DYNC2I2: variants seen among roughly 807,000 people sequenced by gnomAD.
The protein encoded by DYNC2I2 is cytoplasmic dynein 2 intermediate chain 2.
DYNC2I2 carries 39 observed loss-of-function variants against 52.0 expected under a neutral mutation model. The ratio of observed to expected loss-of-function variants is 0.75; its 90% CI spans 0.58 to 0.98. The LOEUF (loss-of-function observed/expected upper bound fraction) is 0.98. DYNC2I2 is among the 50% of genes least tolerant of loss of function. The probability of loss-of-function intolerance (pLI) is 0.00; values close to 1 mark genes in which losing one functional copy is unlikely to be tolerated. For missense variants in DYNC2I2, 743 were observed against 728.4 expected (o/e 1.02, Z -0.23); for synonymous variants, 359 against 321.1 (o/e 1.12, Z -1.26).
At chr9:128,662,465 G>T in the DYNC2I2 span, among the ~76,000 whole-genome samples, 2 of 151,558 alleles carry the variant, frequency 1.3e-5, no homozygotes, top group Non-Finnish European at 2.9e-5. Context: ...AGGCTGGAGT[G>T]CAATGGCGCG....
In DYNC2I2 at chr9:128,633,998, G is replaced by A; in HGVS notation, c.1373-16C>T. ...TGCACGTCACCTGCAAAGAGAGACA[G>A]ATACGTGGAGTAAGAGAAACTCTAG... On this transcript the variant is annotated splice_polypyrimidine_tract_variant and intron_variant, in intron 8 of 8. Transcript: ENST00000372715. 6 of 1,612,482 alleles carry A rather than the reference G, an allele frequency of 3.7e-6. No homozygotes were observed. Among genetic ancestry groups the A allele is most frequent in the Non-Finnish European group, 5.1e-6 (6 of 1,179,644 alleles).
chr9:128,668,882 C>T, the DYNC2I2 span, among the ~76,000 whole-genome samples: 2 of 149,914 alleles, frequency 1.3e-5, no homozygotes, highest in South Asian at 4.2e-4. Context: ...AAATAAAATA[C>T]TTACCGGGAC....
chr9:128,668,334 C>G, the DYNC2I2 span, among the ~76,000 whole-genome samples: 6 of 151,308 alleles, frequency 4.0e-5, no homozygotes, highest in African/African-American at 1.2e-4. Context: ...TGAGCCACTG[C>G]GTCTGGCCAC....
chr9:128,660,199 C>T (rs921277780), upstream of DYNC2I2, among the ~76,000 whole-genome samples: 1 of 152,018 alleles, frequency 6.6e-6, no homozygotes, highest in East Asian at 1.9e-4. Flanking sequence ...ACCTCCGCCT[C>T]CCGGGTTCAC....
intron 6 of DYNC2I2, 43 bp from the exon 7 acceptor site, chr9:128,634,964 A>C (rs780664513): frequency 6.2e-7 from 1 of 1,603,752 alleles, no homozygotes; most frequent in South Asian, 1.1e-5. Context: ...CAAGGGCATC[A>C]GATGGCACTG....
At chr9:128,642,833 G>A (rs1860543817) in intron 1 of DYNC2I2, among the ~76,000 whole-genome samples, 2 of 152,284 alleles carry the variant, frequency 1.3e-5, no homozygotes, top group Admixed American at 6.5e-5. Context: ...AAGAAAATGT[G>A]CAAGATTCTT....
chr9:128,682,671 T>C, the DYNC2I2 span, among the ~76,000 whole-genome samples: 1 of 143,782 alleles, frequency 7.0e-6, no homozygotes, highest in Non-Finnish European at 1.5e-5. Flanking sequence ...TGGGACCTTG[T>C]CTTTTTTTTT....
rs1292926292 is a variant in DYNC2I2 at position 128,641,311 on chromosome 9, C to A, written c.187-372G>T. Among the ~76,000 whole-genome samples the A allele has an allele frequency of 2.6e-5, 4 of 152,084 alleles. No homozygotes were observed. The East Asian group carries it at 7.7e-4, about 29-fold the overall frequency. ...AGAACCACATCGGCTCACAGCAGCA[C>A]CCTGGCAGACACATGGTCTGATGCC... On this transcript the variant is annotated intron_variant, in intron 1 of 8. Transcript: ENST00000372715.
At chr9:128,680,361 AATTATTATTATT>A in the DYNC2I2 span, among the ~76,000 whole-genome samples, 2 of 139,726 alleles carry the variant, frequency 1.4e-5, no homozygotes, top group African/African-American at 5.4e-5. Flanking sequence ...GTACCTGGTC[AATTATTATTATT>A]ATTATTATTA....
intron 3 of DYNC2I2, 50 bp from the exon 4 acceptor site, chr9:128,636,488 TCACC>T: frequency 6.5e-7 from 1 of 1,544,316 alleles, no homozygotes; most frequent in East Asian, 2.4e-5. Flanking sequence ...GGGGCTCCTA[TCACC>T]CACCCCACCT....
At chr9:128,665,632 TGATG>T in the DYNC2I2 span, among the ~76,000 whole-genome samples, 2 of 151,660 alleles carry the variant, frequency 1.3e-5, no homozygotes, top group African/African-American at 4.8e-5. Flanking sequence ...TAGCTAGGCA[TGATG>T]GCACACGCCC....
chr9:128,654,551 G>A (rs1222444227), intron 1 of DYNC2I2, among the ~76,000 whole-genome samples: 2 of 150,620 alleles, frequency 1.3e-5, no homozygotes, highest in Non-Finnish European at 2.9e-5. Context: ...TAGGGCCTTT[G>A]CACTGACCTT....
the DYNC2I2 span, among the ~76,000 whole-genome samples, chr9:128,668,267 T>C: frequency 5.1e-5 from 7 of 136,512 alleles, no homozygotes; most frequent in Non-Finnish European, 1.0e-4. Context: ...CCAGTCTCGA[T>C]CTCTTGACCT....
At chr9:128,656,991 G>A (rs1314456531), upstream of DYNC2I2, among the ~76,000 whole-genome samples, 1 of 152,242 alleles carries the variant, frequency 6.6e-6, no homozygotes, top group Admixed American at 6.5e-5. Flanking sequence ...CGGAAGTGAG[G>A]CATTGGTGCC....
intron 2 of DYNC2I2, among the ~76,000 whole-genome samples, chr9:128,639,279 T>C (rs1306527745): frequency 6.7e-6 from 1 of 150,156 alleles, no homozygotes; most frequent in Non-Finnish European, 1.5e-5. Context: ...GTGCCTGTAA[T>C]CCCAGCTGCT....
chr9:128,634,013 A>AG, intron 8 of DYNC2I2, 31 bp from the exon 9 acceptor site: 1 of 1,610,756 alleles, frequency 6.2e-7, no homozygotes, highest in Non-Finnish European at 8.5e-7. Context: ...GTGGAGTAAG[A>AG]GAAACTCTAG....
the DYNC2I2 span, chr9:128,683,865 C>A: frequency 2.6e-5 from 40 of 1,527,114 alleles, no homozygotes; most frequent in Non-Finnish European, 3.4e-5. Context: ...CGAGGAGACT[C>A]GTGGTCTGGT....
chr9:128,684,160 C>T, the DYNC2I2 span, among the ~76,000 whole-genome samples: 7 of 152,116 alleles, frequency 4.6e-5, no homozygotes, highest in African/African-American at 1.4e-4. Flanking sequence ...GCGTGAAGAA[C>T]CAGAAGGGAC....
At chr9:128,664,827 T>C in the DYNC2I2 span, among the ~76,000 whole-genome samples, 3 of 151,568 alleles carry the variant, frequency 2.0e-5, no homozygotes, top group African/African-American at 4.8e-5. Context: ...ACCAATTCTG[T>C]TGAAAAAAAC....
Sources: gnomAD v4.1 joint callset for allele counts (sites outside exome capture counted in the v4.1 genomes callset) on GRCh38, gnomAD v4.1.1 for gene constraint, MANE v1.5 for transcripts, NCBI Gene and HGNC (gene_info 2026-07-23, HGNC 2026-07-21) for gene names.